The following SUSD4 variants were observed in gnomAD, a reference collection of about 807,000 sequenced individuals.
SUSD4 encodes the protein sushi domain containing 4.
A neutral mutation model predicts 50.5 loss-of-function variants in SUSD4; 41 were observed. The ratio of observed to expected loss-of-function variants is 0.81; its 90% CI spans 0.63 to 1.05. SUSD4 has a LOEUF of 1.05. Among genes scored for constraint, SUSD4 ranks in the 50% least tolerant of loss-of-function variants. SUSD4 has a pLI of 0.00. For synonymous variants in SUSD4, 257 were observed against 257.3 expected, an observed-to-expected ratio of 1.00 and a Z score of 0.01; for missense variants, 580 against 634.7, an observed-to-expected ratio of 0.91 and a Z score of 0.93.
At chr1:223,360,792 T>C (rs958149444) in intron 2 of SUSD4, among the ~76,000 whole-genome samples, 4 of 152,170 alleles carry the variant, frequency 2.6e-5, no homozygotes, top group Non-Finnish European at 5.9e-5. Context: ...CCATTAAATA[T>C]ACACTTTTTT....
At chr1:223,290,781 G>C (rs1664441185) in intron 3 of SUSD4, among the ~76,000 whole-genome samples, 1 of 152,052 alleles carries the variant, frequency 6.6e-6, no homozygotes, top group South Asian at 2.1e-4. Flanking sequence ...TGACTACGTA[G>C]TACCTAGTTA....
chr1:223,323,451 A>C (rs1166364049), intron 2 of SUSD4, among the ~76,000 whole-genome samples: 1 of 151,926 alleles, frequency 6.6e-6, no homozygotes, highest in Admixed American at 6.6e-5. Flanking sequence ...GAGAGCACTC[A>C]CAAGAGTCAC....
In SUSD4 at chr1:223,364,137, C is replaced by T. The variant is rs1319041368; in HGVS notation, c.-116G>A. 4 of 152,350 alleles carry T rather than the reference C, an allele frequency of 2.6e-5. No individual in the cohort carries two copies. Among genetic ancestry groups the T allele is most frequent in the Admixed American group, 6.6e-5 (1 of 15,258 alleles). 9.4% of individuals were successfully genotyped at this position (152,350 alleles called of 1,614,324 possible). ...TCTAACCCGCATCTGTGCGCGACCT[C>T]TGCTGCCGCCGCTGCGCGAGCGAGC... On this transcript the variant is annotated 5_prime_UTR_variant, in exon 1 of 9. Transcript: ENST00000366878. This position sits in a 1 kb window ranked among gnomAD's most constrained non-coding sequence, Gnocchi z 4.5.
chr1:223,283,632 G>A (rs113050663), intron 3 of SUSD4, among the ~76,000 whole-genome samples: 2,140 of 152,296 alleles, frequency 0.014, 46 homozygotes, highest in African/African-American at 0.049. Context: ...CACTGTTGGT[G>A]GGACCGTAAA....
At chr1:223,294,594 C>A (rs1664707622) in intron 2 of SUSD4, among the ~76,000 whole-genome samples, 1 of 152,196 alleles carries the variant, frequency 6.6e-6, no homozygotes, top group Non-Finnish European at 1.5e-5. Context: ...ACAGTGCTTA[C>A]TTTGTGCAGA....
At chr1:223,365,167 G>A (rs903801592), upstream of SUSD4, among the ~76,000 whole-genome samples, 1 of 152,112 alleles carries the variant, frequency 6.6e-6, no homozygotes, top group African/African-American at 2.4e-5. Context: ...TGCCCTCCCA[G>A]CCCCAAGTGG....
intron 2 of SUSD4, among the ~76,000 whole-genome samples, chr1:223,349,584 G>T (rs1406770609): frequency 6.6e-6 from 1 of 152,208 alleles, no homozygotes; most frequent in Non-Finnish European, 1.5e-5. Context: ...TTTGATGAAT[G>T]ACTTAATGAA....
At chr1:223,235,310 C>A (rs556093239) in intron 5 of SUSD4, among the ~76,000 whole-genome samples, 78 of 152,306 alleles carry the variant, frequency 5.1e-4, no homozygotes, top group African/African-American at 1.8e-3. Flanking sequence ...TTATTCACAT[C>A]CCCACCAGAG....
At chr1:223,298,946 C>T (rs1346015920) in intron 2 of SUSD4, among the ~76,000 whole-genome samples, 1 of 152,150 alleles carries the variant, frequency 6.6e-6, no homozygotes, top group Non-Finnish European at 1.5e-5. Context: ...GCCATGGGCT[C>T]CAGCCGTCGG....
intron 3 of SUSD4, among the ~76,000 whole-genome samples, chr1:223,277,635 C>T (rs1485527639): frequency 6.6e-6 from 1 of 152,106 alleles, no homozygotes; most frequent in Admixed American, 6.5e-5. Context: ...TTTAAAAGTT[C>T]TGCAAGTGAT....
intron 5 of SUSD4, among the ~76,000 whole-genome samples, chr1:223,250,888 G>A (rs1033565701): frequency 1.1e-4 from 17 of 152,146 alleles, no homozygotes; most frequent in Admixed American, 3.3e-4. Flanking sequence ...GGGAAGATTC[G>A]AAGACAGCCC....
intron 2 of SUSD4, among the ~76,000 whole-genome samples, chr1:223,344,127 G>C (rs1469097622): frequency 6.6e-6 from 1 of 152,158 alleles, no homozygotes; most frequent in Non-Finnish European, 1.5e-5. Flanking sequence ...TTAGCCTTCA[G>C]AACTGTCTTC....
intron 2 of SUSD4, among the ~76,000 whole-genome samples, chr1:223,305,465 C>T (rs1313065103): frequency 1.3e-5 from 2 of 152,124 alleles, no homozygotes; most frequent in Non-Finnish European, 2.9e-5. Flanking sequence ...AGAGACAATA[C>T]AAAAAATTCA....
Position 223,222,099 on chromosome 1 carries a change from T to C in SUSD4, c.*93A>G. 2 of 1,335,240 alleles carry C rather than the reference T, an allele frequency of 1.5e-6. No homozygotes were observed. Among genetic ancestry groups the C allele is most frequent in the Non-Finnish European group, 2.1e-6 (2 of 957,394 alleles). 82.7% of individuals were successfully genotyped at this position (1,335,240 alleles called of 1,614,324 possible). A position where few individuals can be genotyped will look rare whatever the true frequency, so the allele number is the denominator to read the frequency against. On this transcript the variant is annotated 3_prime_UTR_variant, in exon 9 of 9. Transcript: ENST00000366878. ...TCCCCATGTAGACAAGTTAGACATTTTGCCCCCAGGCTCTATCCTTCTGTG... is the reference window on the plus strand; with the variant it reads ...TCCCCATGTAGACAAGTTAGACATTCTGCCCCCAGGCTCTATCCTTCTGTG...
At chr1:223,310,381 C>T (rs1665801475) in intron 2 of SUSD4, among the ~76,000 whole-genome samples, 1 of 152,204 alleles carries the variant, frequency 6.6e-6, no homozygotes, top group South Asian at 2.1e-4. Flanking sequence ...AGCACCTGTA[C>T]ATGAGGCACC....
chr1:223,354,467 A>G (rs1329553062), intron 2 of SUSD4, among the ~76,000 whole-genome samples: 1 of 152,224 alleles, frequency 6.6e-6, no homozygotes, highest in East Asian at 1.9e-4. Flanking sequence ...TAAATGTCAC[A>G]GAGCAATTCA....
At chr1:223,301,021 C>A (rs1665157615) in intron 2 of SUSD4, among the ~76,000 whole-genome samples, 1 of 152,208 alleles carries the variant, frequency 6.6e-6, no homozygotes, top group African/African-American at 2.4e-5. Flanking sequence ...AGGGCTGGGA[C>A]TAAACTCTGA....
At chr1:223,347,657 T>C (rs531553851) in intron 2 of SUSD4, among the ~76,000 whole-genome samples, 4 of 99,208 alleles carry the variant, frequency 4.0e-5, no homozygotes, top group African/African-American at 1.6e-4. Context: ...AGAATTACTA[T>C]GTACTTCCGA....
chr1:223,335,594 G>T (rs2103283868), intron 2 of SUSD4, among the ~76,000 whole-genome samples: 1 of 152,222 alleles, frequency 6.6e-6, no homozygotes, highest in East Asian at 1.9e-4. Context: ...AAACCATGAA[G>T]AAATATAAAA....
Sources: allele counts gnomAD v4.1 joint callset (sites outside exome capture counted in the v4.1 genomes callset), GRCh38; gene constraint gnomAD v4.1.1; non-coding constraint Gnocchi (gnomAD v3.1); transcripts MANE v1.5; gene names NCBI Gene and HGNC (gene_info 2026-07-23, HGNC 2026-07-21).